The following PHF21A variants were observed in gnomAD, a reference collection of about 807,000 sequenced individuals.
PHF21A encodes PHD finger protein 21A.
A neutral mutation model predicts 82.5 loss-of-function variants in PHF21A; 11 were observed. That is an observed-to-expected ratio of 0.13 (90% CI 0.08 to 0.22). The LOEUF is 0.22. Among genes scored for constraint, PHF21A ranks in the 10% least tolerant of loss-of-function variants. The probability of loss-of-function intolerance (pLI) is 1.00; values close to 1 mark genes in which losing one functional copy is unlikely to be tolerated. For missense variants in PHF21A, 579 were observed against 837.8 expected (o/e 0.69, Z 3.81); for synonymous variants, 297 against 302.8 (o/e 0.98, Z 0.20).
chr11:46,075,984 A>ATGTT (rs2096719964), intron 6 of PHF21A, among the ~76,000 whole-genome samples: 2 of 152,166 alleles, frequency 1.3e-5, no homozygotes, highest in Admixed American at 1.3e-4. Flanking sequence ...ATATTCACCT[A>ATGTT]CTCCAAGACA....
intron 6 of PHF21A, among the ~76,000 whole-genome samples, chr11:45,980,304 G>C (rs896139568): frequency 1.3e-5 from 2 of 152,150 alleles, no homozygotes; most frequent in Non-Finnish European, 2.9e-5. Context: ...GGACTCTGGA[G>C]CCATCCTACT....
intron 4 of PHF21A, among the ~76,000 whole-genome samples, chr11:46,083,277 G>A (rs2096816284): frequency 6.6e-6 from 1 of 152,078 alleles, no homozygotes. Flanking sequence ...CAGCAGCAGG[G>A]ATTTCTGAAC....
intron 1 of PHF21A, among the ~76,000 whole-genome samples, chr11:46,111,777 T>A (rs2097217347): frequency 6.6e-6 from 1 of 152,160 alleles, no homozygotes; most frequent in Admixed American, 6.5e-5. Flanking sequence ...GAAGTCAGTG[T>A]CCTAAAAGAG....
chr11:46,107,407 C>T (rs2097163893), intron 1 of PHF21A, among the ~76,000 whole-genome samples: 1 of 152,192 alleles, frequency 6.6e-6, no homozygotes, highest in African/African-American at 2.4e-5. Flanking sequence ...CTCTGTAGGA[C>T]ATGGTCTGAG....
At chr11:45,948,278 A>T (rs1259893405) in intron 14 of PHF21A, among the ~76,000 whole-genome samples, 1 of 152,194 alleles carries the variant, frequency 6.6e-6, no homozygotes, top group Non-Finnish European at 1.5e-5. Flanking sequence ...GCCTAAGAGT[A>T]AGATTCTGGA....
intron 15 of PHF21A, among the ~76,000 whole-genome samples, chr11:45,945,212 T>C (rs1245040168): frequency 6.6e-6 from 1 of 152,190 alleles, no homozygotes; most frequent in Admixed American, 6.5e-5. Context: ...CTCAGCAGAG[T>C]AGCGCTCAGT....
chr11:46,022,399 G>A (rs2095649364), intron 6 of PHF21A, among the ~76,000 whole-genome samples: 1 of 152,124 alleles, frequency 6.6e-6, no homozygotes, highest in Non-Finnish European at 1.5e-5. Flanking sequence ...AGGCTGCAGT[G>A]AGCTGTGATC....
At position 46,014,706 on chromosome 11, in the gene PHF21A, C is replaced by T. The variant is rs551614517; in HGVS notation, c.154-34740G>A. ...TAATAATAGTTATTCTGGGGCCGGG[C>T]GCGGTGGCTCACGCCTGTAATCCCA... On this transcript the variant is annotated intron_variant, in intron 6 of 18. Coordinates refer to ENST00000676320, the MANE Select transcript of PHF21A (RefSeq NM_001352027.3). 1.8e-3 allele frequency among the ~76,000 whole-genome samples: 86 copies of T among 46,942 alleles called. 22 individuals carry two copies. The highest frequency in any genetic ancestry group is 5.0e-3 in the African/African-American group (18 of 3,624). The allele number at this position is 46,942 out of a possible 152,430, so 30.8% of individuals were successfully genotyped here. A position where few individuals can be genotyped will look rare whatever the true frequency, so the allele number is the denominator to read the frequency against.
chr11:45,958,092 G>T (rs929435265), intron 10 of PHF21A, among the ~76,000 whole-genome samples: 2 of 151,832 alleles, frequency 1.3e-5, no homozygotes, highest in Non-Finnish European at 2.9e-5. Flanking sequence ...CAACAGACCT[G>T]TAACAACTAG....
At chr11:45,990,997 T>C (rs2094681048) in intron 6 of PHF21A, among the ~76,000 whole-genome samples, 1 of 152,194 alleles carries the variant, frequency 6.6e-6, no homozygotes, top group South Asian at 2.1e-4. Flanking sequence ...TCACACAGAG[T>C]AGTTTCACTG....
At chr11:46,120,237 C>T (rs1566104493) in intron 1 of PHF21A, among the ~76,000 whole-genome samples, 1 of 146,030 alleles carries the variant, frequency 6.8e-6, no homozygotes, top group East Asian at 2.0e-4. Context: ...GATGGTTTTC[C>T]AAAAAAAAAT....
intron 6 of PHF21A, among the ~76,000 whole-genome samples, chr11:45,986,534 A>C (rs900201902): frequency 1.3e-5 from 2 of 152,218 alleles, no homozygotes; most frequent in Non-Finnish European, 2.9e-5. Flanking sequence ...CAATCGAACA[A>C]TGCATACTAG....
In PHF21A at chr11:45,979,870, G is replaced by A; in HGVS notation, c.250C>T (p.Leu84=). 2 of 1,614,170 alleles carry A rather than the reference G, an allele frequency of 1.2e-6. No homozygotes were observed. The highest frequency in any genetic ancestry group is 2.2e-5 in the South Asian group (2 of 91,088). ...AGTGGTTGCTGCTGTGCTGTTTGTAGTTTGTTTTCAGATTGTGGCAATGGC... is the reference window on the plus strand; with the variant it reads ...AGTGGTTGCTGCTGTGCTGTTTGTAATTTGTTTTCAGATTGTGGCAATGGC... The part of the protein sequence containing the change: ...IQPLPQSENK[L]QTAQQQPLQQ... The change falls in exon 7 of 19, where the codon CTA becomes TTA. Residue 84 remains leucine, a synonymous_variant. Coordinates refer to ENST00000676320, the MANE Select transcript of PHF21A (RefSeq NM_001352027.3).
chr11:46,025,213 A>T (rs1380550876), intron 6 of PHF21A, among the ~76,000 whole-genome samples: 5 of 151,908 alleles, frequency 3.3e-5, no homozygotes. Context: ...ACTTTTCTCC[A>T]TCTCCCAACA....
intron 10 of PHF21A, among the ~76,000 whole-genome samples, chr11:45,964,399 A>G (rs2093312180): frequency 6.6e-6 from 1 of 151,984 alleles, no homozygotes; most frequent in South Asian, 2.1e-4. Context: ...CTAGTACCCT[A>G]TGCATAGGTT....
At chr11:45,996,163 G>A (rs1193971386) in intron 6 of PHF21A, among the ~76,000 whole-genome samples, 1 of 152,074 alleles carries the variant, frequency 6.6e-6, no homozygotes, top group Non-Finnish European at 1.5e-5. Flanking sequence ...AGGCTGGTCA[G>A]AAACCCCCGG....
intron 4 of PHF21A, among the ~76,000 whole-genome samples, chr11:46,083,934 GA>G (rs1331791298): frequency 6.6e-6 from 1 of 152,036 alleles, no homozygotes; most frequent in Non-Finnish European, 1.5e-5. Flanking sequence ...TTTGGTATAT[GA>G]AAAAAATCTT....
At chr11:46,079,440 A>G (rs1187112426) in intron 4 of PHF21A, among the ~76,000 whole-genome samples, 1 of 152,186 alleles carries the variant, frequency 6.6e-6, no homozygotes, top group Non-Finnish European at 1.5e-5. Flanking sequence ...TCCGAAAGGA[A>G]TTTAAGCAAG....
At chr11:45,965,699 G>A (rs1250085656) in intron 9 of PHF21A, 91 bp from the exon 10 acceptor site, 2 of 933,878 alleles carry the variant, frequency 2.1e-6, no homozygotes, top group Non-Finnish European at 3.2e-6. Context: ...ATGAAATGGT[G>A]TTTAATACAC....
Sources: allele counts gnomAD v4.1 joint callset (sites outside exome capture counted in the v4.1 genomes callset), GRCh38; gene constraint gnomAD v4.1.1; transcripts MANE v1.5; gene names NCBI Gene and HGNC (gene_info 2026-07-23, HGNC 2026-07-21).